ASB18: variants seen among roughly 807,000 people sequenced by gnomAD.
ASB18 encodes the protein ankyrin repeat and SOCS box containing 18, also known as ankyrin repeat and SOCS box protein 18.
In ASB18, 33 loss-of-function variants were observed where a neutral mutation model predicts 33.4. The observed-to-expected ratio is 0.99, with a 90% CI of 0.75 to 1.32. The LOEUF (loss-of-function observed/expected upper bound fraction) is 1.32. Among genes scored for constraint, ASB18 ranks in the 40% most tolerant of loss-of-function variants. The probability of loss-of-function intolerance (pLI) is 0.00; values close to 1 mark genes in which losing one functional copy is unlikely to be tolerated. For missense variants in ASB18, 694 were observed against 655.5 expected (o/e 1.06, Z -0.64); for synonymous variants, 295 against 307.6 (o/e 0.96, Z 0.43).
At position 236,256,779 on chromosome 2, in the gene ASB18, G is replaced by A. The variant is rs1000689339; in HGVS notation, c.205+7362C>T. On this transcript the variant is annotated intron_variant, in intron 1 of 5. Transcript: ENST00000409749. The surrounding 1 kb of genome is among the most constrained non-coding windows in gnomAD (Gnocchi z 4.7). ...TCATACTTGGGGGGAGCTGAGACGC[G>A]ACCCTGTAGGATTTTTTTTCTTGTC... Among the ~76,000 whole-genome samples, 7 of 152,110 alleles carry A rather than the reference G, an allele frequency of 4.6e-5. No homozygotes were observed. Among genetic ancestry groups the A allele is most frequent in the Non-Finnish European group, 7.3e-5 (5 of 68,034 alleles).
intron 1 of ASB18, among the ~76,000 whole-genome samples, chr2:236,243,031 A>G (rs2060628713): frequency 6.7e-6 from 1 of 148,522 alleles, no homozygotes; most frequent in South Asian, 2.1e-4. Context: ...AAAAAAAAAA[A>G]AAAAAAAAAA....
intron 1 of ASB18, chr2:236,247,915 ATTGT>A (rs987196388): frequency 1.3e-5 from 2 of 152,178 alleles, no homozygotes; most frequent in Non-Finnish European, 2.9e-5. Context: ...TGTGAAAAAG[ATTGT>A]TTGGGAGTAT....
intron 4 of ASB18, among the ~76,000 whole-genome samples, chr2:236,199,621 C>T (rs1016293935): frequency 4.0e-5 from 6 of 150,924 alleles, no homozygotes; most frequent in African/African-American, 4.9e-5. Context: ...TTAATAAGCA[C>T]ACTTTTCTCA....
rs1351530590 is a variant in ASB18, at chr2:236,255,256, G to A, written c.205+8885C>T. Among the ~76,000 whole-genome samples, 4 of 152,004 alleles carry A rather than the reference G, an allele frequency of 2.6e-5. No homozygotes were observed. Among genetic ancestry groups the A allele is most frequent in the Admixed American group, 2.6e-4 (4 of 15,256 alleles). On this transcript the variant is annotated intron_variant, in intron 1 of 5. Coordinates refer to ENST00000409749, the MANE Select transcript of ASB18 (RefSeq NM_212556.4). This position sits in a 1 kb window ranked among gnomAD's most constrained non-coding sequence, Gnocchi z 4.4. ...CCTCCCAGGTTCAAGCGATTCTCCTGCCTCAGCCTCTTGAGTAGCTGAAAT... is the reference window on the plus strand; with the variant it reads ...CCTCCCAGGTTCAAGCGATTCTCCTACCTCAGCCTCTTGAGTAGCTGAAAT...
Position 236,231,069 on chromosome 2 carries a change from G to A in ASB18, c.596+6620C>T, listed in dbSNP as rs79291243. Among the ~76,000 whole-genome samples the A allele has an allele frequency of 2.5e-3, 386 of 152,270 alleles. No individual in the cohort carries two copies. Among genetic ancestry groups the A allele is most frequent in the African/African-American group, 9.1e-3 (378 of 41,540 alleles). On this transcript the variant is annotated intron_variant, in intron 3 of 5. Coordinates refer to ENST00000409749, the MANE Select transcript of ASB18 (RefSeq NM_212556.4). This position sits in a 1 kb window ranked among gnomAD's most constrained non-coding sequence, Gnocchi z 5.5. ...CCCCCACTGAAGTCTATCTTCTGGTGTCCATGCTCTTCTCTCCTCTCCTTG... is the reference window on the plus strand; with the variant it reads ...CCCCCACTGAAGTCTATCTTCTGGTATCCATGCTCTTCTCTCCTCTCCTTG...
intron 3 of ASB18, among the ~76,000 whole-genome samples, chr2:236,218,581 G>A (rs950591931): frequency 3.3e-5 from 5 of 152,058 alleles, no homozygotes; most frequent in African/African-American, 9.7e-5. Context: ...GGCGGATTGC[G>A]AGGTCAGGAG....
rs1316649747 is a variant in ASB18, at chr2:236,262,698, C to T, written c.205+1443G>A. Among the ~76,000 whole-genome samples the T allele has an allele frequency of 1.3e-5, 2 of 151,374 alleles. No individual in the cohort carries two copies. The highest frequency in any genetic ancestry group is 3.9e-4 in the East Asian group (2 of 5,122). On this transcript the variant is annotated intron_variant, in intron 1 of 5. Coordinates refer to ENST00000409749, the MANE Select transcript of ASB18 (RefSeq NM_212556.4). The surrounding 1 kb of genome is among the most constrained non-coding windows in gnomAD (Gnocchi z 5.2). Reference sequence around the variant, plus strand: ...GCTTGTGATGACAACCTCCCCTAAACCCCCCCCAGGGCAATCTTCTAGAGA... The same window carrying T: ...GCTTGTGATGACAACCTCCCCTAAATCCCCCCCAGGGCAATCTTCTAGAGA...
Position 236,214,876 on chromosome 2 carries a change from G to T in ASB18, c.597-10C>A, listed in dbSNP as rs1474850983. ...CAGCGCCTGCGCGCACCTGTGGGAA[G>T]CCAGGGCCTGTCACTCGGGCGCCAC... On this transcript the variant is annotated splice_polypyrimidine_tract_variant and intron_variant, in intron 3 of 5. Coordinates refer to ENST00000409749, the MANE Select transcript of ASB18 (RefSeq NM_212556.4). The surrounding 1 kb of genome is among the most constrained non-coding windows in gnomAD (Gnocchi z 6.5). 7 of 1,210,042 alleles carry T rather than the reference G, an allele frequency of 5.8e-6. No individual in the cohort carries two copies. In the East Asian group the frequency reaches 1.0e-4, roughly 17 times the overall value. 75.0% of individuals were successfully genotyped at this position (1,210,042 alleles called of 1,614,324 possible).
intron 4 of ASB18, among the ~76,000 whole-genome samples, chr2:236,207,175 C>A (rs192653543): frequency 4.6e-5 from 7 of 152,184 alleles, no homozygotes; most frequent in African/African-American, 1.7e-4. Flanking sequence ...CAGAGCAGGA[C>A]CCAGGAACAG....
chr2:236,251,117 C>G lies in ASB18; in HGVS notation c.206-9715G>C, dbSNP rs2060667035. On this transcript the variant is annotated intron_variant, in intron 1 of 5. Coordinates refer to ENST00000409749, the MANE Select transcript of ASB18 (RefSeq NM_212556.4). The surrounding 1 kb of genome is among the most constrained non-coding windows in gnomAD (Gnocchi z 5.3). The stretch of plus-strand genomic sequence containing the variant: ...AGTGCAGATAATGCAGAACAACAGT[C>G]ACTTCTCATTATTAATGTGATCTTA... Among the ~76,000 whole-genome samples, 1 of 152,206 alleles carries G rather than the reference C, an allele frequency of 6.6e-6. No homozygotes were observed.
chr2:236,236,197 C>T (rs2060588033), intron 3 of ASB18, among the ~76,000 whole-genome samples: 1 of 152,092 alleles, frequency 6.6e-6, no homozygotes, highest in Non-Finnish European at 1.5e-5. Context: ...CGGACCGCTA[C>T]CCAGGAATAA....
rs1018834291 is a variant in ASB18 at position 236,241,835 on chromosome 2, T to A, written c.206-433A>T. ...CAGACTCCCAGCACACATTTAATTG[T>A]GATGGACTCATTTATCCTGCTGTTG... On this transcript the variant is annotated intron_variant, in intron 1 of 5. Transcript: ENST00000409749. This position sits in a 1 kb window ranked among gnomAD's most constrained non-coding sequence, Gnocchi z 4.2. 2.0e-5 allele frequency among the ~76,000 whole-genome samples: 3 copies of A among 152,324 alleles called. No individual in the cohort carries two copies. The highest frequency in any genetic ancestry group is 3.4e-3 in the Middle Eastern group (1 of 294).
rs2060552833 is a variant in ASB18, at chr2:236,228,913, A to G, written c.596+8776T>C. Among the ~76,000 whole-genome samples, 1 of 152,168 alleles carries G rather than the reference A, an allele frequency of 6.6e-6. No homozygotes were observed. Among genetic ancestry groups the G allele is most frequent in the South Asian group, 2.1e-4 (1 of 4,826 alleles). On this transcript the variant is annotated intron_variant, in intron 3 of 5. Coordinates refer to ENST00000409749, the MANE Select transcript of ASB18 (RefSeq NM_212556.4). The surrounding 1 kb of genome is among the most constrained non-coding windows in gnomAD (Gnocchi z 5.1). ...TGACAGGAATACAAAAATATCAAACACCCAATGAAATGTAGAGAAAAAACC... is the reference window on the plus strand; with the variant it reads ...TGACAGGAATACAAAAATATCAAACGCCCAATGAAATGTAGAGAAAAAACC...
intron 4 of ASB18, among the ~76,000 whole-genome samples, chr2:236,207,168 A>G (rs1009890641): frequency 6.6e-6 from 1 of 152,212 alleles, no homozygotes; most frequent in Non-Finnish European, 1.5e-5. Flanking sequence ...CAGGATGCAG[A>G]GCAGGACCCA....
chr2:236,245,551 T>C lies in ASB18; in HGVS notation c.206-4149A>G, dbSNP rs2060640957. ...GTCTGTGCAGGCTGTTCCTTCTGCCTGCAGTCCTTATTTTCCCTCCTTGCC... is the reference window on the plus strand; with the variant it reads ...GTCTGTGCAGGCTGTTCCTTCTGCCCGCAGTCCTTATTTTCCCTCCTTGCC... On this transcript the variant is annotated intron_variant, in intron 1 of 5. Transcript: ENST00000409749. This position sits in a 1 kb window ranked among gnomAD's most constrained non-coding sequence, Gnocchi z 4.7. Among the ~76,000 whole-genome samples, 1 of 152,188 alleles carries C rather than the reference T, an allele frequency of 6.6e-6. No individual in the cohort carries two copies. The highest frequency in any genetic ancestry group is 2.4e-5 in the African/African-American group (1 of 41,464).
Position 236,253,535 on chromosome 2 carries a change from CTTATTA to C in ASB18, c.205+10600_205+10605del, listed in dbSNP as rs56904956. On this transcript the variant is annotated intron_variant, in intron 1 of 5. Coordinates refer to ENST00000409749, the MANE Select transcript of ASB18 (RefSeq NM_212556.4). This position sits in a 1 kb window ranked among gnomAD's most constrained non-coding sequence, Gnocchi z 5.4. The stretch of plus-strand genomic sequence containing the variant: ...GGGACTACAGCCACTTGCTGGTTAA[CTTATTA>C]TTATTATTATTATTATTATTATTGT... 0.14 allele frequency among the ~76,000 whole-genome samples: 21,104 copies of C among 145,830 alleles called. 4,104 individuals are homozygous for C. Among genetic ancestry groups the C allele is most frequent in the African/African-American group, 0.45 (17,765 of 39,586 alleles).
In ASB18 at chr2:236,241,204, A is replaced by G. The variant is rs2060619345; in HGVS notation, c.328+76T>C. 5 of 1,437,498 alleles carry G rather than the reference A, an allele frequency of 3.5e-6. No homozygotes were observed. The highest frequency in any genetic ancestry group is 2.8e-5 in the African/African-American group (2 of 71,688). 89.0% of individuals were successfully genotyped at this position (1,437,498 alleles called of 1,614,324 possible). On this transcript the variant is annotated intron_variant, in intron 2 of 5. Transcript: ENST00000409749. The surrounding 1 kb of genome is among the most constrained non-coding windows in gnomAD (Gnocchi z 4.2). ...CAGTGCCACTGTGCCCAGTCTACAC[A>G]CGGGAGCCTTACACTCCCAGAGAGT...
rs2060396374 is a variant in ASB18 at position 236,200,643 on chromosome 2, C to A, written c.1102-4258G>T. ...TCCCTCCTGCTGCCGGGACACCCCACTGGCTATACCCAGCTGGAAGGCAGA... is the reference window on the plus strand; with the variant it reads ...TCCCTCCTGCTGCCGGGACACCCCAATGGCTATACCCAGCTGGAAGGCAGA... On this transcript the variant is annotated intron_variant, in intron 4 of 5. Transcript: ENST00000409749. The surrounding 1 kb of genome is among the most constrained non-coding windows in gnomAD (Gnocchi z 4.2). Among the ~76,000 whole-genome samples, 1 of 152,204 alleles carries A rather than the reference C, an allele frequency of 6.6e-6. No homozygotes were observed. The highest frequency in any genetic ancestry group is 1.5e-5 in the Non-Finnish European group (1 of 68,040).
At position 236,237,406 on chromosome 2, in the gene ASB18, CGGGGCG is replaced by C. The variant is rs1332415041; in HGVS notation, c.596+277_596+282del. Among the ~76,000 whole-genome samples, 2,954 of 91,704 alleles carry C rather than the reference CGGGGCG, an allele frequency of 0.032. 352 individuals carry two copies. Among genetic ancestry groups the C allele is most frequent in the African/African-American group, 0.17 (2,698 of 16,072 alleles). The allele number at this position is 91,704 out of a possible 152,430, so 60.2% of individuals were successfully genotyped here. A position where few individuals can be genotyped will look rare whatever the true frequency, so the allele number is the denominator to read the frequency against. ...CGGGGCGGGGGCCGGGGCCGGGGCG[CGGGGCG>C]GGGGCCGGGGCCGGGGCGCGGGGCG... is the stretch of plus-strand genomic sequence containing the variant. On this transcript the variant is annotated intron_variant, in intron 3 of 5. Transcript: ENST00000409749. This position sits in a 1 kb window ranked among gnomAD's most constrained non-coding sequence, Gnocchi z 6.2.
Sources: gnomAD v4.1 joint callset for allele counts (sites outside exome capture counted in the v4.1 genomes callset) on GRCh38, gnomAD v4.1.1 for gene constraint, Gnocchi (gnomAD v3.1) non-coding constraint, MANE v1.5 for transcripts, NCBI Gene and HGNC (gene_info 2026-07-23, HGNC 2026-07-21) for gene names.